DNMT3L: variants seen among roughly 807,000 people sequenced by gnomAD.
The protein encoded by DNMT3L is DNA methyltransferase 3 like.
DNMT3L carries 33 observed loss-of-function variants against 36.2 expected under a neutral mutation model. That is an observed-to-expected ratio of 0.91 (90% CI 0.69 to 1.22). DNMT3L has a LOEUF of 1.22. Ranked by LOEUF, DNMT3L falls within the 50% of genes most tolerant of loss-of-function variation. The probability of loss-of-function intolerance (pLI) is 0.00; values close to 1 mark genes in which losing one functional copy is unlikely to be tolerated. For missense variants in DNMT3L, 310 were observed against 303.1 expected, an observed-to-expected ratio of 1.02 and a Z score of -0.17; for synonymous variants, 117 against 121.7, an observed-to-expected ratio of 0.96 and a Z score of 0.26.
chr21:44,260,223 T>G (rs1258441404), intron 3 of DNMT3L, among the ~76,000 whole-genome samples: 1 of 152,008 alleles, frequency 6.6e-6, no homozygotes, highest in East Asian at 1.9e-4. Context: ...AAACCCACGT[T>G]GAGAGAAAGT....
chr21:44,260,703 C>T, intron 3 of DNMT3L, 92 bp downstream of exon 3: 1 of 1,532,232 alleles, frequency 6.5e-7, no homozygotes, highest in Non-Finnish European at 9.0e-7. Context: ...AATGATCCTC[C>T]CACATTGGTC....
intron 8 of DNMT3L, among the ~76,000 whole-genome samples, chr21:44,253,997 T>A (rs961028455): frequency 2.6e-5 from 4 of 151,418 alleles, no homozygotes; most frequent in Non-Finnish European, 5.9e-5. Context: ...ACAGCGGAGG[T>A]GAGGGGGGGC....
rs56004138 is a variant in DNMT3L, at chr21:44,255,059, C to T, written c.605-354G>A. On this transcript the variant is annotated intron_variant, in intron 7 of 11. Coordinates refer to ENST00000628202, the MANE Select transcript of DNMT3L (RefSeq NM_175867.3). ...GCCAGGCTGGTCTCCAACTCCTGACCTCAAATGTTCCGCCCACTTCAGCCT... is the reference window on the plus strand; with the variant it reads ...GCCAGGCTGGTCTCCAACTCCTGACTTCAAATGTTCCGCCCACTTCAGCCT... 9.4e-3 allele frequency among the ~76,000 whole-genome samples: 1,420 copies of T among 151,810 alleles called. 13 individuals carry two copies. The highest frequency in any genetic ancestry group is 0.021 in the Middle Eastern group (6 of 292).
At chr21:44,259,611 A>ACC in intron 4 of DNMT3L, 21 bp downstream of exon 4, 1 of 1,612,838 alleles carries the variant, frequency 6.2e-7, no homozygotes, top group Non-Finnish European at 8.5e-7. Context: ...TGAGGGAGTC[A>ACC]CCCCCAGCCT....
chr21:44,258,678 A>C lies in DNMT3L; in HGVS notation c.361T>G (p.Cys121Gly), dbSNP rs2040286600. ...PDCTRCYCFE[C>G]VDSLVGPGTS... ...CCGGGGCCGACCAGGCTATCCACAC[A>C]CTCGAAGCAGTAGCATCTAAGGCCA... Residue 121 changes from cysteine (C) to glycine (G), a missense_variant, in exon 6 of 12, where the codon TGT becomes GGT. By Grantham distance (159) the Cys-to-Gly change is radical. Transcript: ENST00000628202. This position sits in a 1 kb window ranked among gnomAD's most constrained non-coding sequence, Gnocchi z 6.2. The C allele has an allele frequency of 6.2e-7, 1 of 1,612,712 alleles. No homozygotes were observed. Among genetic ancestry groups the C allele is most frequent in the African/African-American group, 1.3e-5 (1 of 75,054 alleles).
chr21:44,257,693 AAAATAAATAAAT>A (rs1223537861), intron 6 of DNMT3L, among the ~76,000 whole-genome samples: 3 of 91,942 alleles, frequency 3.3e-5, no homozygotes, highest in Non-Finnish European at 5.7e-5. Flanking sequence ...AAAAAAAAAA[AAAATAAATAAAT>A]AAATAAATAA....
chr21:44,253,980 G>C (rs1314826562), intron 8 of DNMT3L, among the ~76,000 whole-genome samples: 2 of 152,216 alleles, frequency 1.3e-5, no homozygotes, highest in Non-Finnish European at 2.9e-5. Context: ...GGCATGGTGG[G>C]GTGGGGACAG....
chr21:44,257,950 A>G (rs79628964), intron 6 of DNMT3L, among the ~76,000 whole-genome samples: 2,459 of 152,182 alleles, frequency 0.016, 71 homozygotes, highest in African/African-American at 0.057. Context: ...CTCCGTCTCC[A>G]TTTCCCAAAT....
Position 44,258,436 on chromosome 21 carries a change from G to T in DNMT3L, c.516+87C>A. 1 of 1,445,208 alleles carries T rather than the reference G, an allele frequency of 6.9e-7. No homozygotes were observed. 89.5% of individuals were successfully genotyped at this position (1,445,208 alleles called of 1,614,324 possible). Reference sequence around the variant, plus strand: ...GGCTGCAGCCGTGGTGCCCGTCGGCGCGCCTGCATTCTGCAGCGGGAACCG... The same window carrying T: ...GGCTGCAGCCGTGGTGCCCGTCGGCTCGCCTGCATTCTGCAGCGGGAACCG... On this transcript the variant is annotated intron_variant, in intron 6 of 11. Coordinates refer to ENST00000628202, the MANE Select transcript of DNMT3L (RefSeq NM_175867.3). This position sits in a 1 kb window ranked among gnomAD's most constrained non-coding sequence, Gnocchi z 6.2.
At chr21:44,261,334 C>T in intron 1 of DNMT3L, 68 bp from the exon 2 acceptor site, 1 of 1,459,408 alleles carries the variant, frequency 6.9e-7, no homozygotes, top group Non-Finnish European at 9.5e-7. Context: ...CTGATGCACC[C>T]CAGCACGGGA....
chr21:44,259,196 C>T (rs2040292630), intron 5 of DNMT3L, among the ~76,000 whole-genome samples: 1 of 152,130 alleles, frequency 6.6e-6, no homozygotes, highest in African/African-American at 2.4e-5. Flanking sequence ...TTCCATCGCT[C>T]CCCTGCACAG....
chr21:44,257,693 A>AAAAAT (rs1555868289), intron 6 of DNMT3L, among the ~76,000 whole-genome samples: 1 of 91,942 alleles, frequency 1.1e-5, no homozygotes, highest in Non-Finnish European at 1.9e-5. Context: ...AAAAAAAAAA[A>AAAAAT]AAATAAATAA....
At chr21:44,259,758 A>G (rs2040300172) in intron 3 of DNMT3L, 47 bp from the exon 4 acceptor site, 1 of 1,550,074 alleles carries the variant, frequency 6.5e-7, no homozygotes. Context: ...GTGCTGTCAA[A>G]TACAGCAGAC....
At position 44,258,487 on chromosome 21, in the gene DNMT3L, CTGCTGCCGGG is replaced by C; in HGVS notation, c.516+26_516+35del. Reference sequence around the variant, plus strand: ...AGGGAAGGCCGTAAGTCAGGGCCTGCTGCTGCCGGGTGCTGCCCCTCCACGGGCTCCTTAC... The same window carrying C: ...AGGGAAGGCCGTAAGTCAGGGCCTGCTGCTGCCCCTCCACGGGCTCCTTAC... On this transcript the variant is annotated intron_variant, in intron 6 of 11. Transcript: ENST00000628202. This position sits in a 1 kb window ranked among gnomAD's most constrained non-coding sequence, Gnocchi z 6.2. 1 of 1,516,018 alleles carries C rather than the reference CTGCTGCCGGG, an allele frequency of 6.6e-7. No homozygotes were observed. Among genetic ancestry groups the C allele is most frequent in the Non-Finnish European group, 8.9e-7 (1 of 1,126,536 alleles). 93.9% of individuals were successfully genotyped at this position (1,516,018 alleles called of 1,614,324 possible).
intron 7 of DNMT3L, among the ~76,000 whole-genome samples, chr21:44,254,992 A>AT (rs1437095233): frequency 1.3e-5 from 2 of 151,786 alleles, no homozygotes; most frequent in African/African-American, 4.8e-5. Flanking sequence ...CGCCCGGCTA[A>AT]TTTTTTTGTA....
intron 8 of DNMT3L, among the ~76,000 whole-genome samples, chr21:44,254,323 C>T (rs1568914609): frequency 6.6e-6 from 1 of 152,210 alleles, no homozygotes; most frequent in Non-Finnish European, 1.5e-5. Context: ...GATGTTTGCC[C>T]AACTGCCCTG....
At chr21:44,255,852 T>C (rs538631505) in intron 7 of DNMT3L, among the ~76,000 whole-genome samples, 2 of 151,976 alleles carry the variant, frequency 1.3e-5, no homozygotes, top group African/African-American at 4.8e-5. Context: ...AGTGTCTTCA[T>C]GGATTTGGCT....
chr21:44,259,301 T>G, intron 5 of DNMT3L, 136 bp downstream of exon 5: 1 of 884,972 alleles, frequency 1.1e-6, no homozygotes, highest in Non-Finnish European at 1.8e-6. Flanking sequence ...AAATGACGCA[T>G]TGGAGACAGA....
chr21:44,259,399 C>T (rs2040295018), intron 5 of DNMT3L, 38 bp downstream of exon 5: 15 of 1,602,138 alleles, frequency 9.4e-6, no homozygotes, highest in Non-Finnish European at 1.3e-5. Flanking sequence ...GGTGTGTCCT[C>T]AGCCCCTTCA....
Sources: allele counts gnomAD v4.1 joint callset (sites outside exome capture counted in the v4.1 genomes callset), GRCh38; gene constraint gnomAD v4.1.1; non-coding constraint Gnocchi (gnomAD v3.1); transcripts MANE v1.5; gene names NCBI Gene and HGNC (gene_info 2026-07-23, HGNC 2026-07-21).